UNC79: variants seen among roughly 807,000 people sequenced by gnomAD.
UNC79 encodes the protein unc-79 subunit of NALCN channel complex.
Under a neutral mutation model 283.1 loss-of-function variants are expected in UNC79, and 37 were observed. That is an observed-to-expected ratio of 0.13 (90% CI 0.10 to 0.17). The LOEUF (loss-of-function observed/expected upper bound fraction) is 0.17. Ranked by LOEUF, UNC79 falls within the 10% of genes least tolerant of loss-of-function variation. UNC79 has a pLI of 1.00. For missense variants in UNC79, 2,272 were observed against 3,211.1 expected (o/e 0.71, Z 7.07); for synonymous variants, 1,107 against 1,200.2 (o/e 0.92, Z 1.61).
At chr14:93,503,092 A>G (rs2059374940) in intron 7 of UNC79, among the ~76,000 whole-genome samples, 1 of 152,182 alleles carries the variant, frequency 6.6e-6, no homozygotes, top group Non-Finnish European at 1.5e-5. Flanking sequence ...CTTACACCCC[A>G]AAGGTAACTA....
At position 93,698,476 on chromosome 14, in the gene UNC79, G is replaced by GA. The variant is rs1555408706; in HGVS notation, c.7548+4064_7548+4065insA. Among the ~76,000 whole-genome samples the GA allele has an allele frequency of 4.3e-3, 341 of 79,104 alleles. 8 individuals carry two copies. The highest frequency in any genetic ancestry group is 0.013 in the African/African-American group (326 of 25,020). 51.9% of individuals were successfully genotyped at this position (79,104 alleles called of 152,430 possible). On this transcript the variant is annotated intron_variant, in intron 47 of 48. Transcript: ENST00000555664. Reference sequence around the variant, plus strand: ...TGGTAATATTTTTAGTTTAGTTTAGGTTTTTTTTTTTTTTTTTTTTTTTTT... The same window carrying GA: ...TGGTAATATTTTTAGTTTAGTTTAGGATTTTTTTTTTTTTTTTTTTTTTTTT...
At chr14:93,691,859 A>G in exon 46 of UNC79, 1 of 1,614,206 alleles carries the variant, frequency 6.2e-7, no homozygotes, top group Admixed American at 1.7e-5. Context: ...ATCAGAATGA[A>G]TTCAGCTTCA....
At chr14:93,695,930 A>G (rs1221881538) in intron 47 of UNC79, among the ~76,000 whole-genome samples, 1 of 150,366 alleles carries the variant, frequency 6.7e-6, no homozygotes, top group Non-Finnish European at 1.5e-5. Context: ...AAAACAACCA[A>G]AACTTTTTTC....
At chr14:93,704,484 A>T (rs1288572419) in intron 47 of UNC79, 141 bp from the exon 51 acceptor site, 8 of 942,498 alleles carry the variant, frequency 8.5e-6, no homozygotes, top group Non-Finnish European at 1.3e-5. Context: ...TTTTGCTGAT[A>T]ACGGGTAGCC....
intron 4 of UNC79, among the ~76,000 whole-genome samples, chr14:93,486,465 G>A (rs954154849): frequency 1.3e-5 from 2 of 151,778 alleles, no homozygotes; most frequent in Admixed American, 1.3e-4. Flanking sequence ...GACTAGCCTG[G>A]CCAAGATGGT....
intron 7 of UNC79, among the ~76,000 whole-genome samples, chr14:93,522,436 G>C (rs1364604162): frequency 6.6e-6 from 1 of 152,058 alleles, no homozygotes; most frequent in East Asian, 1.9e-4. Flanking sequence ...AAGGAATGCT[G>C]TAATGGATTA....
exon 30 of UNC79, chr14:93,622,017 C>G (rs1447169458): frequency 6.2e-7 from 1 of 1,613,868 alleles, no homozygotes; most frequent in African/African-American, 1.3e-5. Flanking sequence ...AAAGTTGACT[C>G]GCCGGTAAAG....
At position 93,672,121 on chromosome 14, in the gene UNC79, A is replaced by G. The variant is rs530574701; in HGVS notation, c.6637-1230A>G. Among the ~76,000 whole-genome samples, 7 of 152,328 alleles carry G rather than the reference A, an allele frequency of 4.6e-5. No individual in the cohort carries two copies. The East Asian group carries it at 1.4e-3, about 29-fold the overall frequency. ...TTATGAAGCCACTATAGGAAACAGT[A>G]TAGATATTTCTCAAAAGACTAAAAA... On this transcript the variant is annotated intron_variant, in intron 40 of 48. Coordinates refer to ENST00000555664, the Ensembl canonical transcript of UNC79.
rs1380214686 is a variant in UNC79, at chr14:93,668,867, T to A, written c.6637-4484T>A. 1.8e-3 allele frequency among the ~76,000 whole-genome samples: 261 copies of A among 141,734 alleles called. 1 individual carries two copies. Among genetic ancestry groups the A allele is most frequent in the South Asian group, 7.0e-3 (31 of 4,404 alleles). The allele number at this position is 141,734 out of a possible 152,430, so 93.0% of individuals were successfully genotyped here. On this transcript the variant is annotated intron_variant, in intron 40 of 48. Coordinates refer to ENST00000555664, the Ensembl canonical transcript of UNC79. The stretch of plus-strand genomic sequence containing the variant: ...TCCTTCACAAAAAAAAAAAAAAAAA[T>A]TATCCTCTAGTCCTAGCTATTTGCG...
intron 38 of UNC79, among the ~76,000 whole-genome samples, chr14:93,657,331 G>T (rs1390676063): frequency 6.6e-6 from 1 of 150,942 alleles, no homozygotes; most frequent in Non-Finnish European, 1.5e-5. Flanking sequence ...TAAGAGAAGG[G>T]ATGGGATGAG....
intron 42 of UNC79, among the ~76,000 whole-genome samples, chr14:93,684,803 A>G (rs1017816199): frequency 6.6e-6 from 1 of 152,318 alleles, no homozygotes; most frequent in East Asian, 1.9e-4. Flanking sequence ...TTAAAATCAA[A>G]TATTAGTTTT....
intron 40 of UNC79, among the ~76,000 whole-genome samples, chr14:93,666,751 C>T (rs140853112): frequency 1.3e-4 from 19 of 151,884 alleles, no homozygotes; most frequent in African/African-American, 3.9e-4. Context: ...GTGGATGCAA[C>T]GGTCATATAA....
intron 3 of UNC79, among the ~76,000 whole-genome samples, chr14:93,475,790 T>C (rs1443197978): frequency 6.6e-6 from 1 of 152,184 alleles, no homozygotes; most frequent in Non-Finnish European, 1.5e-5. Context: ...GACATTAAAT[T>C]TGGTAAATTG....
At chr14:93,569,648 A>T (rs1304574125) in intron 14 of UNC79, among the ~76,000 whole-genome samples, 1 of 152,170 alleles carries the variant, frequency 6.6e-6, no homozygotes, top group Non-Finnish European at 1.5e-5. Flanking sequence ...TTGAGCTTTA[A>T]CATGTAGGTG....
chr14:93,669,033 G>A (rs1169052993), intron 40 of UNC79, among the ~76,000 whole-genome samples: 2 of 148,352 alleles, frequency 1.3e-5, no homozygotes, highest in African/African-American at 5.0e-5. Flanking sequence ...GAGATAACTG[G>A]AACATTTTAC....
exon 19 of UNC79, chr14:93,580,303 C>T: frequency 6.2e-7 from 1 of 1,614,232 alleles, no homozygotes. Flanking sequence ...TTATGTCAGT[C>T]TAGTATCCTC....
At chr14:93,344,554 C>T (rs1001526648) in intron 1 of UNC79, among the ~76,000 whole-genome samples, 4 of 151,882 alleles carry the variant, frequency 2.6e-5, no homozygotes, top group Admixed American at 1.3e-4. Flanking sequence ...TCTTGCTAGG[C>T]AGGGAAAAAA....
chr14:93,688,626 G>T lies in UNC79; in HGVS notation c.6910-39G>T, dbSNP rs1018690282. The T allele has an allele frequency of 4.4e-6, 7 of 1,596,334 alleles. No homozygotes were observed. The highest frequency in any genetic ancestry group is 1.7e-5 in the Admixed American group (1 of 58,680). On this transcript the variant is annotated intron_variant, in intron 43 of 48. Transcript: ENST00000555664. The surrounding 1 kb of genome is among the most constrained non-coding windows in gnomAD (Gnocchi z 4.0). ...AAAGAATGGCCTGGAATGAATCCAG[G>T]TGTCTGCCAGAGTTACAAAATACCA...
chr14:93,601,140 G>A (rs928396538), intron 25 of UNC79, among the ~76,000 whole-genome samples: 2 of 152,066 alleles, frequency 1.3e-5, no homozygotes, highest in African/African-American at 2.4e-5. Context: ...GACATAGGTG[G>A]GTTTTGGTTA....
Sources: allele counts gnomAD v4.1 joint callset (sites outside exome capture counted in the v4.1 genomes callset), GRCh38; gene constraint gnomAD v4.1.1; non-coding constraint Gnocchi (gnomAD v3.1); transcripts MANE v1.5; gene names NCBI Gene and HGNC (gene_info 2026-07-23, HGNC 2026-07-21).